Variants in PCDH11X observed in about 807,000 individuals in gnomAD.
PCDH11X encodes the protein protocadherin 11 X-linked.
In PCDH11X, 18 loss-of-function variants were observed where a neutral mutation model predicts 53.3. That is an observed-to-expected ratio of 0.34 (90% CI 0.23 to 0.50). PCDH11X has a LOEUF of 0.50. PCDH11X is among the 20% of genes least tolerant of loss of function. PCDH11X has a pLI of 0.98. For missense variants in PCDH11X, 570 were observed against 1,032.4 expected (o/e 0.55, Z 6.14); for synonymous variants, 279 against 393.3 (o/e 0.71, Z 3.44).
chrX:92,240,982 G>T (rs1457914799), intron 7 of PCDH11X, among the ~76,000 whole-genome samples: 1 of 111,009 alleles, frequency 9.0e-6, no homozygotes, highest in East Asian at 2.8e-4. Context: ...TTTTGAAATT[G>T]TAAATGACAA....
At chrX:92,096,438 A>ATG (rs10591250) in intron 6 of PCDH11X, among the ~76,000 whole-genome samples, 7,620 of 94,308 alleles carry the variant, frequency 0.081, 626 homozygotes, top group African/African-American at 0.23. Context: ...GTGTATGTGT[A>ATG]TGTGTGTGTG....
intron 10 of PCDH11X, among the ~76,000 whole-genome samples, chrX:92,494,370 C>T (rs1456394885): frequency 9.6e-6 from 1 of 104,104 alleles, no homozygotes; most frequent in African/African-American, 3.5e-5. Context: ...TTTGTCTTCT[C>T]TGCATGAACT....
chrX:92,419,021 TG>T (rs1420412403), intron 9 of PCDH11X, among the ~76,000 whole-genome samples: 27 of 86,921 alleles, frequency 3.1e-4, no homozygotes, highest in Admixed American at 1.6e-3. Context: ...CCAGTTGTAT[TG>T]GGGTTTTTTT....
intron 9 of PCDH11X, among the ~76,000 whole-genome samples, chrX:92,390,441 T>C (rs2071104652): frequency 9.3e-6 from 1 of 107,889 alleles, no homozygotes; most frequent in Non-Finnish European, 1.9e-5. Context: ...TGGTTTAGAA[T>C]TGGCCATAGC....
intron 7 of PCDH11X, 198 bp from the exon 8 acceptor site, chrX:92,262,916 A>G: frequency 2.3e-6 from 1 of 439,696 alleles, no homozygotes; most frequent in Non-Finnish European, 2.8e-6. Flanking sequence ...ATATCCCTTT[A>G]CTCAAACCAC....
intron 10 of PCDH11X, among the ~76,000 whole-genome samples, chrX:92,571,947 T>A (rs969587273): frequency 8.9e-6 from 1 of 111,913 alleles, no homozygotes; most frequent in Non-Finnish European, 1.9e-5. Context: ...AAATGAACAA[T>A]GAAACAATAA....
chrX:92,432,975 C>G (rs1249724777), intron 9 of PCDH11X, among the ~76,000 whole-genome samples: 1 of 110,418 alleles, frequency 9.1e-6, no homozygotes, highest in Non-Finnish European at 1.9e-5. Context: ...TGTATTACTC[C>G]AAAGCATACT....
At chrX:92,131,797 A>C (rs988664576) in intron 6 of PCDH11X, among the ~76,000 whole-genome samples, 1 of 109,633 alleles carries the variant, frequency 9.1e-6, no homozygotes, top group Admixed American at 9.9e-5. Context: ...AGGTTTGGGG[A>C]GTTCCTGGAG....
At chrX:91,861,174 G>A (rs1264410993) in intron 5 of PCDH11X, among the ~76,000 whole-genome samples, 12 of 111,278 alleles carry the variant, frequency 1.1e-4, no homozygotes, top group Admixed American at 3.8e-4. Flanking sequence ...TGGTCTCTTC[G>A]GGGATTCTAT....
intron 5 of PCDH11X, among the ~76,000 whole-genome samples, chrX:91,861,900 G>A (rs1209423065): frequency 3.5e-4 from 39 of 111,088 alleles, no homozygotes; most frequent in African/African-American, 1.2e-3. Context: ...TGCATCAACT[G>A]CCTAGTCAGT....
intron 6 of PCDH11X, among the ~76,000 whole-genome samples, chrX:92,180,703 A>G (rs2065982050): frequency 9.0e-6 from 1 of 111,373 alleles, no homozygotes; most frequent in Non-Finnish European, 1.9e-5. Context: ...GATAGTGAAT[A>G]AGTCTCACAA....
chrX:92,448,345 G>A (rs1436883068), intron 9 of PCDH11X, among the ~76,000 whole-genome samples: 4 of 96,548 alleles, frequency 4.1e-5, no homozygotes, highest in Admixed American at 3.5e-4. Context: ...GTTGTGGGGG[G>A]AACCCAGTGG....
At chrX:92,039,054 C>T (rs141528882) in intron 6 of PCDH11X, among the ~76,000 whole-genome samples, 113 of 112,163 alleles carry the variant, frequency 1.0e-3, no homozygotes, top group African/African-American at 3.3e-3. Context: ...AAGCCCAATA[C>T]TACTGTCATC....
At chrX:92,562,418 G>A (rs1374903836) in intron 10 of PCDH11X, among the ~76,000 whole-genome samples, 15 of 98,974 alleles carry the variant, frequency 1.5e-4, no homozygotes, top group Non-Finnish European at 2.6e-4. Context: ...ATGCAATCAC[G>A]CCTTTCCAAT....
chrX:92,387,610 C>T (rs1490478135), intron 8 of PCDH11X, 125 bp from the exon 9 acceptor site: 1 of 1,097,811 alleles, frequency 9.1e-7, no homozygotes, highest in Non-Finnish European at 1.2e-6. Context: ...TGAAATTGTT[C>T]ACAACTCAAG....
intron 4 of PCDH11X, among the ~76,000 whole-genome samples, chrX:91,827,965 A>T (rs761549886): frequency 3.8e-3 from 415 of 109,084 alleles, no homozygotes; most frequent in Non-Finnish European, 6.6e-3. Flanking sequence ...GTTTTTTTCT[A>T]CTTCTGTGAA....
chrX:92,157,363 T>C (rs1383254794), intron 6 of PCDH11X, among the ~76,000 whole-genome samples: 1 of 111,950 alleles, frequency 8.9e-6, no homozygotes, highest in Non-Finnish European at 1.9e-5. Context: ...ACAAATAGTG[T>C]ATAATTTTTT....
chrX:92,480,513 G>T (rs1324312040), intron 10 of PCDH11X, among the ~76,000 whole-genome samples: 3 of 109,034 alleles, frequency 2.8e-5, no homozygotes, highest in Non-Finnish European at 5.7e-5. Context: ...TTGCTGTTTT[G>T]TGAGGTTTTT....
At chrX:91,824,794 A>G (rs1028401626) in intron 4 of PCDH11X, among the ~76,000 whole-genome samples, 2 of 107,934 alleles carry the variant, frequency 1.9e-5, no homozygotes, top group Non-Finnish European at 3.8e-5. Flanking sequence ...TTTTTTCCCC[A>G]TCTTTGTGGT....
Sources: allele counts gnomAD v4.1 joint callset (sites outside exome capture counted in the v4.1 genomes callset), GRCh38; gene constraint gnomAD v4.1.1; transcripts MANE v1.5; gene names NCBI Gene and HGNC (gene_info 2026-07-23, HGNC 2026-07-21).